KIAA0825: variants seen among roughly 807,000 people sequenced by gnomAD.
The protein encoded by KIAA0825 is uncharacterized protein KIAA0825.
A neutral mutation model predicts 147.6 loss-of-function variants in KIAA0825; 119 were observed. The ratio of observed to expected loss-of-function variants is 0.81; its 90% confidence interval spans 0.69 to 0.94. The LOEUF is 0.94. Among genes scored for constraint, KIAA0825 ranks in the 40% least tolerant of loss-of-function variants. KIAA0825 has a pLI of 0.00. For synonymous variants in KIAA0825, 470 were observed against 518.1 expected, an observed-to-expected ratio of 0.91 and a Z score of 1.26; for missense variants, 1,381 against 1,472.7, an observed-to-expected ratio of 0.94 and a Z score of 1.02.
intron 2 of KIAA0825, among the ~76,000 whole-genome samples, chr5:94,565,355 T>TC (rs1056376879): frequency 6.6e-6 from 1 of 151,284 alleles, no homozygotes. Flanking sequence ...CTTTTTTTTT[T>TC]TTTTTGAGAC....
At chr5:94,417,495 G>A in intron 14 of KIAA0825, 130 bp from the exon 15 acceptor site, 1 of 661,980 alleles carries the variant, frequency 1.5e-6, no homozygotes. Context: ...CATAAAAAGA[G>A]AATTACCAGA....
intron 4 of KIAA0825, among the ~76,000 whole-genome samples, chr5:94,521,422 T>G (rs896798160): frequency 1.6e-4 from 24 of 151,794 alleles, no homozygotes; most frequent in African/African-American, 5.6e-4. Context: ...TCTTTAAATA[T>G]AGTATGTGCC....
At chr5:94,496,491 A>C (rs900912420) in intron 5 of KIAA0825, among the ~76,000 whole-genome samples, 2 of 152,228 alleles carry the variant, frequency 1.3e-5, no homozygotes, top group South Asian at 4.1e-4. Flanking sequence ...ACTGACACAC[A>C]AAGGCAGAAA....
In KIAA0825 at chr5:94,362,438, C is replaced by T. The variant is rs190382316; in HGVS notation, c.3710+21930G>A. Among the ~76,000 whole-genome samples, 19 of 152,264 alleles carry T rather than the reference C, an allele frequency of 1.2e-4. No individual in the cohort carries two copies. The East Asian group carries it at 3.3e-3, about 26-fold the overall frequency. ...AAGAAACCATCACTCTAGCCAATAA[C>T]GTGGATGCAACATACTTTATCTCAT... On this transcript the variant is annotated intron_variant, in intron 20 of 20. Coordinates refer to ENST00000682413, the MANE Select transcript of KIAA0825 (RefSeq NM_001145678.3).
At position 94,520,627 on chromosome 5, in the gene KIAA0825, T is replaced by C. The variant is rs200218681; in HGVS notation, c.591A>G (p.Gln197=). 3 of 1,613,442 alleles carry C rather than the reference T, an allele frequency of 1.9e-6. No individual in the cohort carries two copies. Among genetic ancestry groups the C allele is most frequent in the East Asian group, 2.2e-5 (1 of 44,866 alleles). The change falls in exon 5 of 21, where the codon CAA becomes CAG. Residue 197 remains glutamine, a synonymous_variant. Coordinates refer to ENST00000682413, the MANE Select transcript of KIAA0825 (RefSeq NM_001145678.3). ...QKILLKKQCL[Q]QLLFLYPESE... Reference sequence around the variant, plus strand: ...ATTCTGGATAAAGAAACAAGAGTTGTTGTAAGCACTGCTTTTTCAATAAAA... The same window carrying C: ...ATTCTGGATAAAGAAACAAGAGTTGCTGTAAGCACTGCTTTTTCAATAAAA...
chr5:94,546,521 GA>G (rs1774408950), intron 2 of KIAA0825, among the ~76,000 whole-genome samples: 1 of 100,542 alleles, frequency 9.9e-6, no homozygotes, highest in South Asian at 3.3e-4. Flanking sequence ...TCAGCACAGA[GA>G]GAGAGAGAGA....
chr5:94,252,451 G>T (rs1776011379), intron 20 of KIAA0825, among the ~76,000 whole-genome samples: 1 of 150,596 alleles, frequency 6.6e-6, no homozygotes, highest in Non-Finnish European at 1.5e-5. Flanking sequence ...ATGTGTGTGG[G>T]TGTGTATATA....
At chr5:94,252,462 T>TAG (rs1175715231) in intron 20 of KIAA0825, among the ~76,000 whole-genome samples, 4 of 151,684 alleles carry the variant, frequency 2.6e-5, no homozygotes, top group Non-Finnish European at 4.4e-5. Flanking sequence ...TGTGTATATA[T>TAG]ATATAGAGAG....
intron 5 of KIAA0825, among the ~76,000 whole-genome samples, chr5:94,518,152 A>C (rs1202956067): frequency 2.0e-5 from 3 of 152,196 alleles, no homozygotes; most frequent in Admixed American, 2.0e-4. Flanking sequence ...GATTAAAGAT[A>C]ATATAATACA....
At position 94,384,441 on chromosome 5, in the gene KIAA0825, AG is replaced by A. The variant is rs1748865948; in HGVS notation, c.3636del (p.Trp1213GlyfsTer11). On this transcript the variant is annotated frameshift_variant, in exon 20 of 21. Coordinates refer to ENST00000682413, the MANE Select transcript of KIAA0825 (RefSeq NM_001145678.3). LOFTEE classifies it high-confidence loss of function. The stretch of plus-strand genomic sequence containing the variant: ...TTTGGCAGCAACTTTGCCCAATTCC[AG>A]TTCCATTTTGTGATGGCTGACTGTT... ...MLDQVSITKWNWNWAKLLPNY... is the reference protein window; with the variant it reads ...MLDQVSITKWXWNWAKLLPNY... 1 of 1,551,786 alleles carries A rather than the reference AG, an allele frequency of 6.4e-7. No homozygotes were observed. Among genetic ancestry groups the A allele is most frequent in the Non-Finnish European group, 8.7e-7 (1 of 1,146,842 alleles).
intron 20 of KIAA0825, among the ~76,000 whole-genome samples, chr5:94,273,580 G>A (rs2150145782): frequency 6.6e-6 from 1 of 152,176 alleles, no homozygotes; most frequent in South Asian, 2.1e-4. Flanking sequence ...GGAGGTTTCA[G>A]TGTCCCAAAT....
chr5:94,382,164 G>C (rs1283403549), intron 20 of KIAA0825, among the ~76,000 whole-genome samples: 1 of 152,132 alleles, frequency 6.6e-6, no homozygotes, highest in Non-Finnish European at 1.5e-5. Context: ...CAGCTGAACT[G>C]CTCTGAATTC....
At chr5:94,167,135 C>T (rs1217200333) in intron 20 of KIAA0825, among the ~76,000 whole-genome samples, 6 of 152,044 alleles carry the variant, frequency 3.9e-5, no homozygotes, top group East Asian at 3.9e-4. Context: ...GACAGGTAAT[C>T]GGATGAGACC....
chr5:94,512,108 G>A (rs1043431526), intron 5 of KIAA0825, among the ~76,000 whole-genome samples: 5 of 152,010 alleles, frequency 3.3e-5, no homozygotes, highest in Admixed American at 1.3e-4. Context: ...CTATCATAAT[G>A]TACATCTTCA....
At chr5:94,546,471 C>T (rs1344046586) in intron 2 of KIAA0825, among the ~76,000 whole-genome samples, 1 of 152,018 alleles carries the variant, frequency 6.6e-6, no homozygotes, top group African/African-American at 2.4e-5. Context: ...GTGGTGGCCA[C>T]AGGGGTGCTT....
intron 1 of KIAA0825, among the ~76,000 whole-genome samples, chr5:94,609,335 TA>T (rs1361108584): frequency 6.6e-6 from 1 of 152,190 alleles, no homozygotes; most frequent in Non-Finnish European, 1.5e-5. Context: ...ACTCTTCCAC[TA>T]AAATTTTTGT....
rs538025271 is a variant in KIAA0825 at position 94,388,549 on chromosome 5, T to C, written c.3457-2145A>G. Among the ~76,000 whole-genome samples, 499 of 152,360 alleles carry C rather than the reference T, an allele frequency of 3.3e-3. 4 individuals are homozygous for C. The highest frequency in any genetic ancestry group is 4.4e-3 in the Non-Finnish European group (296 of 68,036). ...AATAAAATTTTTAAAAGGAATACTT[T>C]CGTTTTTATTGACAAAAAAGCTTTG... On this transcript the variant is annotated intron_variant, in intron 18 of 20. Transcript: ENST00000682413.
intron 20 of KIAA0825, among the ~76,000 whole-genome samples, chr5:94,360,030 C>A (rs954001270): frequency 5.3e-5 from 8 of 151,800 alleles, no homozygotes; most frequent in Admixed American, 3.9e-4. Flanking sequence ...GCTCATTAGC[C>A]CTTCTATTTT....
intron 20 of KIAA0825, among the ~76,000 whole-genome samples, chr5:94,318,914 T>C (rs1335387472): frequency 6.6e-6 from 1 of 151,648 alleles, no homozygotes. Context: ...ATACTACCCC[T>C]CCTTGTCCCC....
Sources: gnomAD v4.1 joint callset for allele counts (sites outside exome capture counted in the v4.1 genomes callset) on GRCh38, gnomAD v4.1.1 for gene constraint, MANE v1.5 for transcripts, NCBI Gene and HGNC (gene_info 2026-07-23, HGNC 2026-07-21) for gene names.